Variants in PACSIN2 observed in about 807,000 individuals in gnomAD.
The protein encoded by PACSIN2 is protein kinase C and casein kinase substrate in neurons protein 2.
In PACSIN2, 25 loss-of-function variants were observed where a neutral mutation model predicts 63.8. That is an observed-to-expected ratio of 0.39 (90% confidence interval 0.29 to 0.55). PACSIN2 has a LOEUF of 0.55. Among genes scored for constraint, PACSIN2 ranks in the 20% least tolerant of loss-of-function variants. The probability of loss-of-function intolerance (pLI) is 0.62; values close to 1 mark genes in which losing one functional copy is unlikely to be tolerated. For synonymous variants in PACSIN2, 255 were observed against 256.2 expected (o/e 1.00, Z 0.05); for missense variants, 518 against 646.9 (o/e 0.80, Z 2.16).
chr22:42,976,760 A>G (rs1921731328), intron 1 of PACSIN2, among the ~76,000 whole-genome samples: 1 of 152,170 alleles, frequency 6.6e-6, no homozygotes, highest in Admixed American at 6.5e-5. Flanking sequence ...CAGATACCCC[A>G]TTTCGTCCTT....
chr22:42,911,140 A>C (rs1231109426), intron 2 of PACSIN2, among the ~76,000 whole-genome samples: 1 of 151,680 alleles, frequency 6.6e-6, no homozygotes, highest in African/African-American at 2.4e-5. Flanking sequence ...TCCTGACCTC[A>C]AGATCCACCC....
chr22:42,962,729 T>C (rs938076280), intron 1 of PACSIN2, among the ~76,000 whole-genome samples: 1 of 116,544 alleles, frequency 8.6e-6, no homozygotes, highest in African/African-American at 3.3e-5. Flanking sequence ...GGTGGAGGCA[T>C]TGTGAGTCCT....
chr22:42,954,058 C>T (rs992467031), intron 1 of PACSIN2, among the ~76,000 whole-genome samples: 3 of 151,984 alleles, frequency 2.0e-5, no homozygotes, highest in Non-Finnish European at 4.4e-5. Context: ...GTCAGGAGTT[C>T]GAAACCAGCC....
chr22:42,972,496 C>G (rs983613804), intron 1 of PACSIN2, among the ~76,000 whole-genome samples: 1 of 152,068 alleles, frequency 6.6e-6, no homozygotes, highest in Admixed American at 6.5e-5. Flanking sequence ...ACCCAAGAAT[C>G]ATCAATAAAT....
intron 1 of PACSIN2, among the ~76,000 whole-genome samples, chr22:42,972,073 A>G (rs1379627450): frequency 6.6e-6 from 1 of 152,108 alleles, no homozygotes; most frequent in Non-Finnish European, 1.5e-5. Context: ...GGGGGGGGGA[A>G]ATGTGGGGAA....
intron 1 of PACSIN2, among the ~76,000 whole-genome samples, chr22:43,014,295 C>A (rs1489360912): frequency 3.4e-5 from 5 of 146,932 alleles, no homozygotes; most frequent in Admixed American, 6.9e-5. Context: ...GGACGTGCTG[C>A]GGTAAGGGCT....
intron 2 of PACSIN2, chr22:42,909,568 G>A (rs1486220053): frequency 2.1e-6 from 1 of 471,154 alleles, no homozygotes; most frequent in African/African-American, 2.0e-5. Context: ...GATACCAGCT[G>A]GAGAGTAATT....
chr22:42,912,277 T>C, intron 1 of PACSIN2, 120 bp from the exon 2 acceptor site: 1 of 529,298 alleles, frequency 1.9e-6, no homozygotes, highest in East Asian at 3.4e-5. Context: ...CGGTCTATAA[T>C]ATTTCCTTTA....
intron 3 of PACSIN2, 40 bp downstream of exon 3, chr22:42,893,417 G>A (rs1452636360): frequency 6.2e-7 from 1 of 1,600,840 alleles, no homozygotes; most frequent in Non-Finnish European, 8.5e-7. Context: ...CTGGGGTGTA[G>A]CTGCCTCCAG....
chr22:42,984,115 T>C (rs1922442709), intron 1 of PACSIN2, among the ~76,000 whole-genome samples: 1 of 151,824 alleles, frequency 6.6e-6, no homozygotes, highest in Non-Finnish European at 1.5e-5. Context: ...GGATCATAGG[T>C]GTGCACCACC....
chr22:42,883,502 T>C (rs1929230107), intron 6 of PACSIN2, among the ~76,000 whole-genome samples: 1 of 152,192 alleles, frequency 6.6e-6, no homozygotes. Flanking sequence ...TCTGCCCTGG[T>C]GAAGGCATCA....
intron 1 of PACSIN2, among the ~76,000 whole-genome samples, chr22:42,919,024 C>T (rs1332102415): frequency 1.3e-5 from 2 of 152,180 alleles, no homozygotes; most frequent in Non-Finnish European, 2.9e-5. Context: ...CCGACTACAA[C>T]GACCTTTACC....
chr22:42,987,365 C>G (rs1922688587), intron 1 of PACSIN2, among the ~76,000 whole-genome samples: 1 of 150,944 alleles, frequency 6.6e-6, no homozygotes, highest in Non-Finnish European at 1.5e-5. Context: ...AAGATGACAC[C>G]CCTACACGCA....
intron 1 of PACSIN2, among the ~76,000 whole-genome samples, chr22:43,010,398 A>ATATATATATATATATATTTTTTTTT: frequency 4.4e-4 from 56 of 126,402 alleles, no homozygotes; most frequent in Non-Finnish European, 7.1e-4. Context: ...ATATATATAT[A>ATATATATATATATATATTTTTTTTT]TTTTTTTTTA....
At position 42,871,093 on chromosome 22, in the gene PACSIN2, T is replaced by C. The variant is rs964135278; in HGVS notation, c.*264A>G. ...ACAAAGTCAAGAACATAGAGATCTA[T>C]GATAGGCCAACAGGCACAGTGGGCG... is the stretch of plus-strand genomic sequence containing the variant. On this transcript the variant is annotated 3_prime_UTR_variant, in exon 11 of 11. Transcript: ENST00000263246. This position sits in a 1 kb window ranked among gnomAD's most constrained non-coding sequence, Gnocchi z 5.4. 9 of 520,770 alleles carry C rather than the reference T, an allele frequency of 1.7e-5. No individual in the cohort carries two copies. Among genetic ancestry groups the C allele is most frequent in the Non-Finnish European group, 2.8e-5 (8 of 286,824 alleles). 32.3% of individuals were successfully genotyped at this position (520,770 alleles called of 1,614,324 possible).
At chr22:42,890,026 A>ATTTGTTT in intron 4 of PACSIN2, among the ~76,000 whole-genome samples, 1 of 146,228 alleles carries the variant, frequency 6.8e-6, no homozygotes. Flanking sequence ...TTTTTGAGAC[A>ATTTGTTT]GAGTCTCCCT....
intron 1 of PACSIN2, among the ~76,000 whole-genome samples, chr22:43,010,385 C>CATAT (rs1253098949): frequency 1.3e-3 from 83 of 66,122 alleles, no homozygotes; most frequent in African/African-American, 4.5e-3. Context: ...TTTAAAAATA[C>CATAT]ATATATATAT....
At chr22:42,935,839 CCT>C (rs1411640866) in intron 1 of PACSIN2, among the ~76,000 whole-genome samples, 3 of 152,062 alleles carry the variant, frequency 2.0e-5, no homozygotes, top group Non-Finnish European at 2.9e-5. Context: ...CCATGGCACC[CCT>C]GAGAGATGAC....
intron 1 of PACSIN2, among the ~76,000 whole-genome samples, chr22:42,948,855 G>C (rs1232309097): frequency 6.6e-6 from 1 of 152,144 alleles, no homozygotes; most frequent in Non-Finnish European, 1.5e-5. Flanking sequence ...TAACTTGACA[G>C]TGCTTTTATT....
Sources: gnomAD v4.1 joint callset for allele counts (sites outside exome capture counted in the v4.1 genomes callset) on GRCh38, gnomAD v4.1.1 for gene constraint, Gnocchi (gnomAD v3.1) non-coding constraint, MANE v1.5 for transcripts, NCBI Gene and HGNC (gene_info 2026-07-23, HGNC 2026-07-21) for gene names.